The following EPHA6 variants were observed in gnomAD, a reference collection of about 807,000 sequenced individuals.
The protein encoded by EPHA6 is ephrin type-A receptor 6.
Under a neutral mutation model 112.0 loss-of-function variants are expected in EPHA6, and 50 were observed. The ratio of observed to expected loss-of-function variants is 0.45; its 90% confidence interval spans 0.36 to 0.56. The LOEUF (loss-of-function observed/expected upper bound fraction) is 0.56. Ranked by LOEUF, EPHA6 falls within the 20% of genes least tolerant of loss-of-function variation. EPHA6 has a pLI of 0.00. For missense variants in EPHA6, 1,280 were observed against 1,417.4 expected (o/e 0.90, Z 1.56); for synonymous variants, 529 against 490.7 (o/e 1.08, Z -1.03).
intron 6 of EPHA6, among the ~76,000 whole-genome samples, chr3:97,429,942 C>A (rs562511054): frequency 1.7e-4 from 26 of 152,306 alleles, no homozygotes; most frequent in African/African-American, 5.3e-4. Flanking sequence ...GTCTTGTTAC[C>A]ATGAGAATCT....
chr3:97,329,732 G>A (rs2082683856), intron 5 of EPHA6, among the ~76,000 whole-genome samples: 1 of 151,966 alleles, frequency 6.6e-6, no homozygotes, highest in Non-Finnish European at 1.5e-5. Context: ...TTGTCAGATG[G>A]GTAGATTGCA....
At chr3:97,456,366 C>A (rs1327192964) in intron 7 of EPHA6, among the ~76,000 whole-genome samples, 1 of 151,984 alleles carries the variant, frequency 6.6e-6, no homozygotes, top group East Asian at 1.9e-4. Flanking sequence ...ATTCTTAGAA[C>A]TTATTCATCT....
chr3:96,894,606 T>C (rs995960106), intron 2 of EPHA6, among the ~76,000 whole-genome samples: 1 of 152,002 alleles, frequency 6.6e-6, no homozygotes, highest in Non-Finnish European at 1.5e-5. Context: ...AAGGTATGAA[T>C]GGCATAGGGA....
intron 3 of EPHA6, among the ~76,000 whole-genome samples, chr3:97,185,468 C>G (rs1422562249): frequency 6.6e-6 from 1 of 152,052 alleles, no homozygotes; most frequent in African/African-American, 2.4e-5. Context: ...TGAAAAAATG[C>G]TCATCATCAC....
At chr3:97,620,513 A>T (rs1380376588) in intron 13 of EPHA6, among the ~76,000 whole-genome samples, 3 of 152,112 alleles carry the variant, frequency 2.0e-5, no homozygotes, top group Non-Finnish European at 4.4e-5. Context: ...TCTGCAAACT[A>T]TGCATCTGAC....
chr3:96,960,345 C>T (rs533091232), intron 2 of EPHA6, among the ~76,000 whole-genome samples: 3 of 152,218 alleles, frequency 2.0e-5, no homozygotes, highest in African/African-American at 4.8e-5. Flanking sequence ...ATCTGTTAGC[C>T]GGTTCCAGAG....
Position 97,244,164 on chromosome 3 carries a change from A to G in EPHA6, c.1483A>G (p.Ile495Val), listed in dbSNP as rs780859786. ...RHTGLINNSV[I>V]VLDFVSHVNY... ...TACAGGCCTGATCAACAATTCCGTG[A>G]TAGTACTTGACTTTGTGTCTCACGT... The change falls in exon 5 of 18, where the codon ATA becomes GTA. Residue 495 changes from isoleucine (I) to valine (V), a missense_variant. This residue lies in a region of EPHA6 where 878 missense variants were observed against 999.7 expected (regional missense o/e 0.88). Transcript: ENST00000389672. The G allele has an allele frequency of 1.2e-6, 2 of 1,613,162 alleles. No individual in the cohort carries two copies. The highest frequency in any genetic ancestry group is 1.1e-5 in the South Asian group (1 of 91,062).
chr3:96,910,931 G>A (rs540159361), intron 2 of EPHA6, among the ~76,000 whole-genome samples: 86 of 152,026 alleles, frequency 5.7e-4, no homozygotes, highest in Middle Eastern at 3.4e-3. Flanking sequence ...AAAGACCATT[G>A]TTTTTCTCAT....
intron 3 of EPHA6, among the ~76,000 whole-genome samples, chr3:96,992,610 G>GT (rs893600178): frequency 3.9e-4 from 58 of 149,282 alleles, no homozygotes; most frequent in South Asian, 8.5e-4. Flanking sequence ...AATTATTCTA[G>GT]TTTTTTTTTT....
At chr3:96,897,460 T>G (rs938915564) in intron 2 of EPHA6, among the ~76,000 whole-genome samples, 3 of 152,226 alleles carry the variant, frequency 2.0e-5, no homozygotes, top group African/African-American at 7.2e-5. Flanking sequence ...GAGAGGTTGT[T>G]ATTGAATCAT....
intron 2 of EPHA6, among the ~76,000 whole-genome samples, chr3:96,921,933 G>T (rs1007207906): frequency 6.6e-6 from 1 of 152,074 alleles, no homozygotes; most frequent in Non-Finnish European, 1.5e-5. Context: ...GCTTGATGGG[G>T]CTGATGTGAC....
intron 2 of EPHA6, among the ~76,000 whole-genome samples, chr3:96,974,402 T>C (rs2042439455): frequency 2.0e-5 from 3 of 150,606 alleles, no homozygotes; most frequent in African/African-American, 7.3e-5. Context: ...ATTAAATCTG[T>C]ACTAAGTTGG....
chr3:97,419,263 A>G (rs2088402415), intron 6 of EPHA6, among the ~76,000 whole-genome samples: 2 of 151,948 alleles, frequency 1.3e-5, no homozygotes, highest in Non-Finnish European at 2.9e-5. Flanking sequence ...AGATCCTGCC[A>G]TTGCACTCTA....
At chr3:97,740,014 G>T (rs1013528111) in intron 16 of EPHA6, among the ~76,000 whole-genome samples, 1 of 151,974 alleles carries the variant, frequency 6.6e-6, no homozygotes. Flanking sequence ...GCAGTGCCTG[G>T]CCATGCACTT....
chr3:97,133,062 A>G (rs534116924), intron 3 of EPHA6, among the ~76,000 whole-genome samples: 2 of 152,198 alleles, frequency 1.3e-5, no homozygotes, highest in East Asian at 3.9e-4. Flanking sequence ...CAGAATGGAA[A>G]GTAAAGGATA....
At chr3:97,486,104 G>A (rs1036079048) in intron 10 of EPHA6, among the ~76,000 whole-genome samples, 5 of 152,074 alleles carry the variant, frequency 3.3e-5, no homozygotes, top group African/African-American at 1.2e-4. Flanking sequence ...AACTACTAAA[G>A]AGATTATTTT....
chr3:97,602,145 C>A (rs1402344291), intron 12 of EPHA6, among the ~76,000 whole-genome samples: 1 of 151,946 alleles, frequency 6.6e-6, no homozygotes, highest in African/African-American at 2.4e-5. Flanking sequence ...ACTGAAATTT[C>A]AACTGCTAAG....
intron 3 of EPHA6, among the ~76,000 whole-genome samples, chr3:97,008,166 G>A (rs955261421): frequency 6.6e-6 from 1 of 152,148 alleles, no homozygotes; most frequent in Non-Finnish European, 1.5e-5. Flanking sequence ...GCTAGGTTGA[G>A]GAAGTCCTCC....
chr3:97,169,287 G>T (rs2076626692), intron 3 of EPHA6, among the ~76,000 whole-genome samples: 1 of 152,118 alleles, frequency 6.6e-6, no homozygotes, highest in Admixed American at 6.6e-5. Context: ...ATGTGCTGAG[G>T]CTAGATGTGT....
Sources: gnomAD v4.1 joint callset for allele counts (sites outside exome capture counted in the v4.1 genomes callset) on GRCh38, gnomAD v4.1.1 for gene constraint, gnomAD v4.1.1 regional missense constraint, MANE v1.5 for transcripts, NCBI Gene and HGNC (gene_info 2026-07-23, HGNC 2026-07-21) for gene names.